EXOC4: variants seen among roughly 807,000 people sequenced by gnomAD.
The protein encoded by EXOC4 is SEC8-like 1.
In EXOC4, 71 loss-of-function variants were observed where a neutral mutation model predicts 107.2. The ratio of observed to expected loss-of-function variants is 0.66; its 90% CI spans 0.55 to 0.81. EXOC4 has a LOEUF of 0.81. Among genes scored for constraint, EXOC4 ranks in the 30% least tolerant of loss-of-function variants. The pLI is 0.00. For missense variants in EXOC4, 1,108 were observed against 1,189.6 expected, an observed-to-expected ratio of 0.93 and a Z score of 1.01; for synonymous variants, 456 against 441.2, an observed-to-expected ratio of 1.03 and a Z score of -0.42.
At chr7:133,623,885 T>G (rs993059259) in intron 9 of EXOC4, among the ~76,000 whole-genome samples, 1 of 152,188 alleles carries the variant, frequency 6.6e-6, no homozygotes, top group Admixed American at 6.5e-5. Flanking sequence ...TGATCGCATG[T>G]GCTTTAAGAA....
chr7:133,963,930 A>G (rs893120249), intron 14 of EXOC4, among the ~76,000 whole-genome samples: 1 of 152,208 alleles, frequency 6.6e-6, no homozygotes, highest in Non-Finnish European at 1.5e-5. Context: ...AATACAGACA[A>G]TTATGGAGAA....
rs535881016 is a variant in EXOC4 at position 133,342,075 on chromosome 7, C to A, written c.764-14255C>A. ...GTGAGGTACTGTTCTATTCATCATGCTATTTGTTGCCTGAATACCTTGGTT... is the reference window on the plus strand; with the variant it reads ...GTGAGGTACTGTTCTATTCATCATGATATTTGTTGCCTGAATACCTTGGTT... On this transcript the variant is annotated intron_variant, in intron 5 of 17. Coordinates refer to ENST00000253861, the MANE Select transcript of EXOC4 (RefSeq NM_021807.4). Among the ~76,000 whole-genome samples, 5 of 151,412 alleles carry A rather than the reference C, an allele frequency of 3.3e-5. No individual in the cohort carries two copies. In the East Asian group the frequency reaches 9.7e-4, roughly 29 times the overall value.
chr7:133,566,727 G>A (rs1315248872), intron 9 of EXOC4, among the ~76,000 whole-genome samples: 4 of 152,158 alleles, frequency 2.6e-5, no homozygotes, highest in Non-Finnish European at 4.4e-5. Context: ...GTCTAAAACA[G>A]TACCTTTCAT....
At chr7:133,263,374 CTTTTTTT>C (rs920302686) in intron 1 of EXOC4, among the ~76,000 whole-genome samples, 4 of 83,984 alleles carry the variant, frequency 4.8e-5, no homozygotes, top group South Asian at 4.5e-4. Flanking sequence ...AAAAAGCATT[CTTTTTTT>C]TTTTTTTTTT....
At chr7:133,922,582 C>A (rs944073804) in intron 13 of EXOC4, among the ~76,000 whole-genome samples, 1 of 152,134 alleles carries the variant, frequency 6.6e-6, no homozygotes, top group African/African-American at 2.4e-5. Flanking sequence ...CGCGGTGGCT[C>A]ATGCCTGTAA....
At chr7:133,770,796 G>A (rs1240132661) in intron 10 of EXOC4, among the ~76,000 whole-genome samples, 1 of 151,878 alleles carries the variant, frequency 6.6e-6, no homozygotes, top group African/African-American at 2.4e-5. Context: ...TATAGCCTTT[G>A]TTTGTACCTC....
chr7:133,618,498 T>G (rs1802248296), intron 9 of EXOC4, among the ~76,000 whole-genome samples: 1 of 152,094 alleles, frequency 6.6e-6, no homozygotes. Context: ...AAATGGAAAA[T>G]GAAAATTTTG....
intron 12 of EXOC4, among the ~76,000 whole-genome samples, chr7:133,914,852 CAACA>C (rs1191181115): frequency 6.6e-6 from 1 of 152,078 alleles, no homozygotes; most frequent in Non-Finnish European, 1.5e-5. Flanking sequence ...AAGGCAAATG[CAACA>C]AACAGGACAC....
intron 5 of EXOC4, among the ~76,000 whole-genome samples, chr7:133,324,354 A>G (rs1277032729): frequency 1.3e-5 from 2 of 152,196 alleles, no homozygotes; most frequent in South Asian, 2.1e-4. Flanking sequence ...ATTTAGTGCT[A>G]TACATTTCCC....
At chr7:134,083,148 C>T in the EXOC4 span, among the ~76,000 whole-genome samples, 1 of 152,200 alleles carries the variant, frequency 6.6e-6, no homozygotes, top group Non-Finnish European at 1.5e-5. Flanking sequence ...GTCATAAGCA[C>T]AAGATTTGCT....
chr7:133,436,630 T>C (rs1797982192), intron 7 of EXOC4, among the ~76,000 whole-genome samples: 1 of 152,182 alleles, frequency 6.6e-6, no homozygotes, highest in African/African-American at 2.4e-5. Flanking sequence ...GACAGACCTA[T>C]GAAATAATCA....
chr7:133,624,661 C>T (rs991264190), intron 9 of EXOC4, among the ~76,000 whole-genome samples: 5 of 151,988 alleles, frequency 3.3e-5, no homozygotes, highest in East Asian at 3.9e-4. Context: ...GGCATGATCT[C>T]GGCTCACTGC....
intron 10 of EXOC4, among the ~76,000 whole-genome samples, chr7:133,788,585 C>T (rs1316371966): frequency 4.6e-5 from 7 of 152,084 alleles, no homozygotes; most frequent in South Asian, 2.1e-4. Context: ...CTCCACCTCC[C>T]GGGTTCAAGC....
In EXOC4 at chr7:133,479,945, C is replaced by T. The variant is rs143153725; in HGVS notation, c.1329-105C>T. ...CCAAAGTGTCTTCATCACGGAACAT[C>T]GGGGAGCACCACACAGACCAGAGTA... On this transcript the variant is annotated intron_variant, in intron 8 of 17. Transcript: ENST00000253861. 168 of 933,906 alleles carry T rather than the reference C, an allele frequency of 1.8e-4. No individual in the cohort carries two copies. The East Asian group carries it at 2.4e-3, about 13-fold the overall frequency. 57.9% of individuals were successfully genotyped at this position (933,906 alleles called of 1,614,324 possible).
At chr7:133,755,263 ATT>A (rs1491503599) in intron 10 of EXOC4, among the ~76,000 whole-genome samples, 9 of 94,488 alleles carry the variant, frequency 9.5e-5, no homozygotes, top group African/African-American at 3.7e-4. Flanking sequence ...TTATATATAT[ATT>A]ATATATATTA....
intron 7 of EXOC4, among the ~76,000 whole-genome samples, chr7:133,429,483 C>T (rs1195380299): frequency 1.3e-5 from 2 of 152,106 alleles, no homozygotes; most frequent in Non-Finnish European, 1.5e-5. Context: ...AAGAATATAA[C>T]TCAATAGGTT....
At chr7:134,016,555 T>A (rs755372779) in intron 17 of EXOC4, among the ~76,000 whole-genome samples, 3 of 152,228 alleles carry the variant, frequency 2.0e-5, no homozygotes, top group African/African-American at 7.2e-5. Context: ...CTTCTCCAAC[T>A]CTTTTAATTA....
Position 133,514,625 on chromosome 7 carries a change from C to T in EXOC4, c.1417+34487C>T, listed in dbSNP as rs1407756796. 4.6e-5 allele frequency among the ~76,000 whole-genome samples: 7 copies of T among 152,266 alleles called. No homozygotes were observed. In the South Asian group the frequency reaches 1.2e-3, roughly 27 times the overall value. On this transcript the variant is annotated intron_variant, in intron 9 of 17. Transcript: ENST00000253861. ...TAAATGATTGATGAGAGGAGAGACT[C>T]CTTAATCTAGATTTAGAGACTTTCC...
chr7:133,331,958 C>G (rs1169754758), intron 5 of EXOC4, among the ~76,000 whole-genome samples: 1 of 152,116 alleles, frequency 6.6e-6, no homozygotes, highest in African/African-American at 2.4e-5. Flanking sequence ...AGTAGTTCAA[C>G]TATAACTTAG....
Sources: allele counts gnomAD v4.1 joint callset (sites outside exome capture counted in the v4.1 genomes callset), GRCh38; gene constraint gnomAD v4.1.1; transcripts MANE v1.5; gene names NCBI Gene and HGNC (gene_info 2026-07-23, HGNC 2026-07-21).